The following ZFP64 variants were observed in gnomAD, a reference collection of about 807,000 sequenced individuals.
The protein encoded by ZFP64 is ZFP64 zinc finger protein.
In ZFP64, 14 loss-of-function variants were observed where a neutral mutation model predicts 51.6. The observed-to-expected ratio is 0.27, with a 90% CI of 0.18 to 0.42. The LOEUF is 0.42. ZFP64 is among the 10% of genes least tolerant of loss of function. The pLI is 1.00. For synonymous variants in ZFP64, 375 were observed against 361.4 expected (o/e 1.04, Z -0.43); for missense variants, 754 against 906.8 (o/e 0.83, Z 2.16).
At chr20:52,142,213 CA>C (rs1369049180) in intron 5 of ZFP64, among the ~76,000 whole-genome samples, 1 of 151,876 alleles carries the variant, frequency 6.6e-6, no homozygotes. Flanking sequence ...ACTAAAAATA[CA>C]AAAATTAGCT....
Position 52,160,288 on chromosome 20 carries a change from C to T in ZFP64, c.598G>A (p.Val200Met), listed in dbSNP as rs781103623. 42 of 1,614,142 alleles carry T rather than the reference C, an allele frequency of 2.6e-5. No individual in the cohort carries two copies. The highest frequency in any genetic ancestry group is 6.7e-5 in the African/African-American group (5 of 74,950). Residue 200 changes from valine (V) to methionine (M), a missense_variant, in exon 5 of 6, where the codon GTG becomes ATG. By Grantham distance (21) the Val-to-Met change is conservative. Transcript: ENST00000216923. This position sits in a 1 kb window ranked among gnomAD's most constrained non-coding sequence, Gnocchi z 4.2. ...LKTHMRCHTG[V>M]KPYKCKTCDY... ...CACGTCTTACACTTGTAGGGCTTCA[C>T]GCCCGTGTGGCACCGCATGTGAGTT...
chr20:52,098,464 T>C, exon 6 of ZFP64: 1 of 1,614,000 alleles, frequency 6.2e-7, no homozygotes, highest in South Asian at 1.1e-5. Context: ...GAACGTCCTC[T>C]CTCCAAGGGT....
chr20:52,156,962 T>C (rs1045158251), intron 5 of ZFP64, among the ~76,000 whole-genome samples: 2 of 152,212 alleles, frequency 1.3e-5, no homozygotes, highest in African/African-American at 4.8e-5. Flanking sequence ...CTGGACATTT[T>C]GTAAGCAGAA....
At chr20:52,163,355 C>T (rs1194749248) in intron 4 of ZFP64, among the ~76,000 whole-genome samples, 1 of 152,016 alleles carries the variant, frequency 6.6e-6, no homozygotes, top group Non-Finnish European at 1.5e-5. Context: ...GAGCGAAACT[C>T]CGTCTCAAAA....
chr20:52,141,202 T>C (rs990851867), intron 5 of ZFP64, among the ~76,000 whole-genome samples: 2 of 152,218 alleles, frequency 1.3e-5, no homozygotes, highest in Admixed American at 1.3e-4. Context: ...CCTGCTAACA[T>C]AACCTCCATT....
At position 52,153,539 on chromosome 20, in the gene ZFP64, C is replaced by T. The variant is rs374947691; in HGVS notation, c.764-111G>A. 9.8e-6 allele frequency: 14 copies of T among 1,421,678 alleles called. No homozygotes were observed. The African/African-American group carries it at 1.9e-4, about 19-fold the overall frequency. 88.1% of individuals were successfully genotyped at this position (1,421,678 alleles called of 1,614,324 possible). Reference sequence around the variant, plus strand: ...ATACAAGGTGGGTGGGTGCAGACCTCCTAACTGCAGCTTCTAGCAGCCCCT... The same window carrying T: ...ATACAAGGTGGGTGGGTGCAGACCTTCTAACTGCAGCTTCTAGCAGCCCCT... On this transcript the variant is annotated intron_variant, in intron 5 of 5. Transcript: ENST00000216923. This position sits in a 1 kb window ranked among gnomAD's most constrained non-coding sequence, Gnocchi z 5.1.
At chr20:52,167,979 A>G (rs1220899684) in intron 2 of ZFP64, among the ~76,000 whole-genome samples, 5 of 152,186 alleles carry the variant, frequency 3.3e-5, no homozygotes, top group African/African-American at 1.2e-4. Flanking sequence ...ATATGATTAA[A>G]ATGCTGCCAA....
At chr20:52,108,307 A>G (rs1360252726) in intron 5 of ZFP64, among the ~76,000 whole-genome samples, 1 of 152,196 alleles carries the variant, frequency 6.6e-6, no homozygotes, top group Non-Finnish European at 1.5e-5. Context: ...TGCCAACTAT[A>G]TTGATATAAA....
chr20:52,185,689 T>A (rs1445243596), intron 2 of ZFP64, among the ~76,000 whole-genome samples: 1 of 151,546 alleles, frequency 6.6e-6, no homozygotes, highest in African/African-American at 2.4e-5. Context: ...CAAGCGATTC[T>A]CCTGCCTTGG....
intron 5 of ZFP64, among the ~76,000 whole-genome samples, chr20:52,125,150 G>A (rs1425777099): frequency 1.3e-5 from 2 of 152,196 alleles, no homozygotes; most frequent in African/African-American, 2.4e-5. Flanking sequence ...TGCCCAACTG[G>A]ACTCCTCACT....
chr20:52,101,834 C>A (rs1372870373), intron 5 of ZFP64, among the ~76,000 whole-genome samples: 1 of 150,944 alleles, frequency 6.6e-6, no homozygotes, highest in African/African-American at 2.4e-5. Context: ...AATGCAGAGT[C>A]TCAGCCGGGT....
chr20:52,099,851 T>C lies in ZFP64; in HGVS notation c.764-1264A>G, dbSNP rs143099543. 7.2e-5 allele frequency among the ~76,000 whole-genome samples: 11 copies of C among 152,348 alleles called. No homozygotes were observed. The East Asian group carries it at 9.6e-4, about 13-fold the overall frequency. On this transcript the variant is annotated intron_variant, in intron 5 of 8. Coordinates refer to the ZFP64 transcript ENST00000361387. Reference sequence around the variant, plus strand: ...AACTAGGTGAAATCGCTATTTTTGTTAGCCAAAACGGTCAAATAATTTCAT... The same window carrying C: ...AACTAGGTGAAATCGCTATTTTTGTCAGCCAAAACGGTCAAATAATTTCAT...
chr20:52,147,781 G>A (rs1324385844), downstream of ZFP64, among the ~76,000 whole-genome samples: 18 of 152,118 alleles, frequency 1.2e-4, no homozygotes, highest in Non-Finnish European at 1.9e-4. Context: ...TTGGGAGGCC[G>A]AGGCAGGCGG....
intron 2 of ZFP64, among the ~76,000 whole-genome samples, chr20:52,175,115 C>CTTTTGTTTTG (rs547789188): frequency 6.6e-6 from 1 of 151,854 alleles, no homozygotes; most frequent in African/African-American, 2.4e-5. Flanking sequence ...AGGATACTAT[C>CTTTTGTTTTG]TTTTGTTTTG....
chr20:52,148,812 G>T (rs1980650960), downstream of ZFP64, among the ~76,000 whole-genome samples: 1 of 152,116 alleles, frequency 6.6e-6, no homozygotes, highest in Admixed American at 6.6e-5. Flanking sequence ...TCAGGGGAAG[G>T]ATGGACGTTC....
intron 5 of ZFP64, among the ~76,000 whole-genome samples, chr20:52,109,515 C>A (rs1040074521): frequency 6.6e-6 from 1 of 152,092 alleles, no homozygotes; most frequent in Non-Finnish European, 1.5e-5. Context: ...TGCGGTGGCT[C>A]ATGCCTGTAA....
At chr20:52,148,522 G>A (rs950267033), downstream of ZFP64, among the ~76,000 whole-genome samples, 2 of 152,276 alleles carry the variant, frequency 1.3e-5, no homozygotes, top group East Asian at 3.9e-4. Context: ...CCAACATGGC[G>A]AAATCTCGTC....
intron 5 of ZFP64, among the ~76,000 whole-genome samples, chr20:52,109,796 A>AG (rs1274708805): frequency 3.3e-5 from 5 of 150,404 alleles, no homozygotes; most frequent in Admixed American, 1.3e-4. Flanking sequence ...AAAAAAAAAA[A>AG]AAAAAAGAAA....
intron 5 of ZFP64, among the ~76,000 whole-genome samples, chr20:52,133,708 G>A (rs1448444314): frequency 6.6e-6 from 1 of 152,140 alleles, no homozygotes; most frequent in East Asian, 1.9e-4. Context: ...TTGGTCCACT[G>A]TGCCTTGGGT....
Sources: gnomAD v4.1 joint callset for allele counts (sites outside exome capture counted in the v4.1 genomes callset) on GRCh38, gnomAD v4.1.1 for gene constraint, Gnocchi (gnomAD v3.1) non-coding constraint, MANE v1.5 for transcripts, NCBI Gene and HGNC (gene_info 2026-07-23, HGNC 2026-07-21) for gene names.